The following DENND5B variants were observed in gnomAD, a reference collection of about 807,000 sequenced individuals.
DENND5B encodes the protein DENN domain containing 5B, also known as DENN domain-containing protein 5B.
In DENND5B, 34 loss-of-function variants were observed where a neutral mutation model predicts 140.6. That is an observed-to-expected ratio of 0.24 (90% CI 0.18 to 0.32). DENND5B has a LOEUF of 0.32. DENND5B is among the 10% of genes least tolerant of loss of function. The pLI is 1.00. For missense variants in DENND5B, 1,142 were observed against 1,560.2 expected, an observed-to-expected ratio of 0.73 and a Z score of 4.52; for synonymous variants, 551 against 562.1, an observed-to-expected ratio of 0.98 and a Z score of 0.28.
intron 3 of DENND5B, among the ~76,000 whole-genome samples, chr12:31,473,671 T>C (rs577314835): frequency 2.0e-5 from 3 of 152,322 alleles, no homozygotes; most frequent in African/African-American, 7.2e-5. Context: ...AAGTTTGCTA[T>C]TGGATATTGA....
In DENND5B at chr12:31,556,929, T is replaced by A. The variant is rs568381230; in HGVS notation, c.127+33777A>T. Among the ~76,000 whole-genome samples, 18 of 152,284 alleles carry A rather than the reference T, an allele frequency of 1.2e-4. No homozygotes were observed. The East Asian group carries it at 3.3e-3, about 28-fold the overall frequency. Reference sequence around the variant, plus strand: ...ATCATTAAAAATGTGTGCAAAGATTTTCCCACTAGGAGGTTCTCCTCAATG... The same window carrying A: ...ATCATTAAAAATGTGTGCAAAGATTATCCCACTAGGAGGTTCTCCTCAATG... On this transcript the variant is annotated intron_variant, in intron 1 of 20. Transcript: ENST00000389082.
chr12:31,392,538 C>G, intron 18 of DENND5B, 76 bp downstream of exon 18: 1 of 1,521,830 alleles, frequency 6.6e-7, no homozygotes, highest in Non-Finnish European at 8.8e-7. Flanking sequence ...TTCAAGCACC[C>G]CATATTGCCT....
chr12:31,524,281 G>A (rs1048913275), intron 1 of DENND5B, among the ~76,000 whole-genome samples: 3 of 152,166 alleles, frequency 2.0e-5, no homozygotes, highest in Non-Finnish European at 2.9e-5. Context: ...TGGCAGAAAT[G>A]TCACTGTGAC....
rs1940866094 is a variant in DENND5B, at chr12:31,386,687, G to A, written c.*916C>T. On this transcript the variant is annotated 3_prime_UTR_variant, in exon 21 of 21. Coordinates refer to ENST00000389082, the MANE Select transcript of DENND5B (RefSeq NM_144973.4). Reference sequence around the variant, plus strand: ...GTGATTAGACCCTAACAAAGACAGGGCTCATGGTTATCCTTAAGAGGTAGA... The same window carrying A: ...GTGATTAGACCCTAACAAAGACAGGACTCATGGTTATCCTTAAGAGGTAGA... The A allele has an allele frequency of 6.6e-6, 1 of 152,192 alleles. No individual in the cohort carries two copies. Among genetic ancestry groups the A allele is most frequent in the South Asian group, 2.1e-4 (1 of 4,832 alleles). The allele number at this position is 152,192 out of a possible 1,614,324, so 9.4% of individuals were successfully genotyped here.
At chr12:31,413,105 C>T (rs900314666) in intron 13 of DENND5B, among the ~76,000 whole-genome samples, 52 of 152,204 alleles carry the variant, frequency 3.4e-4, no homozygotes, top group African/African-American at 1.1e-3. Context: ...TTTGTAGAGA[C>T]GGGGTTTCAC....
chr12:31,482,093 C>T (rs1264959628), intron 2 of DENND5B, among the ~76,000 whole-genome samples: 3 of 152,106 alleles, frequency 2.0e-5, no homozygotes, highest in Non-Finnish European at 4.4e-5. Flanking sequence ...AGCATGAAGG[C>T]GGGTGGGTGT....
intron 1 of DENND5B, among the ~76,000 whole-genome samples, chr12:31,537,773 A>T (rs1166746910): frequency 3.9e-5 from 6 of 152,198 alleles, no homozygotes; most frequent in Non-Finnish European, 7.3e-5. Flanking sequence ...CATAGACTGA[A>T]AATAAAAGGA....
intron 11 of DENND5B, among the ~76,000 whole-genome samples, chr12:31,423,009 C>T (rs531133790): frequency 1.3e-5 from 2 of 149,896 alleles, no homozygotes; most frequent in South Asian, 2.1e-4. Context: ...GGCGCCTTCT[C>T]GGCTCACTGC....
At chr12:31,555,519 G>T (rs1949247994) in intron 1 of DENND5B, among the ~76,000 whole-genome samples, 1 of 152,212 alleles carries the variant, frequency 6.6e-6, no homozygotes, top group South Asian at 2.1e-4. Context: ...ACTTGAGGAG[G>T]CAGTCTGCCC....
intron 1 of DENND5B, among the ~76,000 whole-genome samples, chr12:31,518,496 T>C (rs909281878): frequency 6.6e-6 from 1 of 152,130 alleles, no homozygotes; most frequent in Non-Finnish European, 1.5e-5. Context: ...CATGTAAGCA[T>C]GAGGCACATA....
intron 1 of DENND5B, among the ~76,000 whole-genome samples, chr12:31,504,151 A>C (rs1947108485): frequency 6.6e-6 from 1 of 152,202 alleles, no homozygotes; most frequent in South Asian, 2.1e-4. Context: ...CATTTATATA[A>C]AGTTTGGACT....
At chr12:31,578,364 A>G (rs1296261412) in intron 1 of DENND5B, among the ~76,000 whole-genome samples, 2 of 152,222 alleles carry the variant, frequency 1.3e-5, no homozygotes, top group Non-Finnish European at 2.9e-5. Context: ...TGCACAAAAT[A>G]GTTTTCTAGA....
chr12:31,525,083 CAT>C (rs1447572647), intron 1 of DENND5B, among the ~76,000 whole-genome samples: 3 of 152,324 alleles, frequency 2.0e-5, no homozygotes, highest in East Asian at 3.9e-4. Context: ...GACATTAACA[CAT>C]GTTGGCTTAG....
chr12:31,419,531 C>T (rs1428592724), intron 11 of DENND5B, among the ~76,000 whole-genome samples: 4 of 127,626 alleles, frequency 3.1e-5, no homozygotes, highest in South Asian at 5.3e-4. Flanking sequence ...GTAGCACAGA[C>T]AGCACGTTTG....
intron 2 of DENND5B, among the ~76,000 whole-genome samples, chr12:31,494,379 A>C (rs907016730): frequency 8.6e-5 from 13 of 152,036 alleles, no homozygotes; most frequent in Non-Finnish European, 2.9e-5. Flanking sequence ...GCAGGGATAA[A>C]AGAGACATTT....
At chr12:31,513,697 C>A (rs1947511102) in intron 1 of DENND5B, among the ~76,000 whole-genome samples, 2 of 152,018 alleles carry the variant, frequency 1.3e-5, no homozygotes, top group South Asian at 4.2e-4. Flanking sequence ...TCCTTAATTG[C>A]CAGCAGTATA....
chr12:31,491,562 GGGAAA>G (rs1363581834), intron 2 of DENND5B, among the ~76,000 whole-genome samples: 1 of 152,086 alleles, frequency 6.6e-6, no homozygotes, highest in Non-Finnish European at 1.5e-5. Flanking sequence ...GGAAGGGAAA[GGGAAA>G]GGAAAGGAAA....
At chr12:31,467,623 A>T (rs1028162887) in intron 3 of DENND5B, among the ~76,000 whole-genome samples, 1 of 152,214 alleles carries the variant, frequency 6.6e-6, no homozygotes, top group African/African-American at 2.4e-5. Flanking sequence ...CTTATTTCAA[A>T]GAAAAACAAA....
intron 6 of DENND5B, among the ~76,000 whole-genome samples, chr12:31,443,621 T>G (rs1368952036): frequency 6.6e-6 from 1 of 152,138 alleles, no homozygotes; most frequent in Non-Finnish European, 1.5e-5. Flanking sequence ...AAATAAAATA[T>G]TTTTCTTGAG....
Sources: allele counts gnomAD v4.1 joint callset (sites outside exome capture counted in the v4.1 genomes callset), GRCh38; gene constraint gnomAD v4.1.1; transcripts MANE v1.5; gene names NCBI Gene and HGNC (gene_info 2026-07-23, HGNC 2026-07-21).